The following ST8SIA6 variants were observed in gnomAD, a reference collection of about 807,000 sequenced individuals.
ST8SIA6 encodes alpha-2,8-sialyltransferase 8F.
Under a neutral mutation model 33.6 loss-of-function variants are expected in ST8SIA6, and 39 were observed. The ratio of observed to expected loss-of-function variants is 1.16; its 90% CI spans 0.90 to 1.52. The LOEUF is 1.52. Among genes scored for constraint, ST8SIA6 ranks in the 40% most tolerant of loss-of-function variants. ST8SIA6 has a pLI of 0.00. For synonymous variants in ST8SIA6, 172 were observed against 167.2 expected, an observed-to-expected ratio of 1.03 and a Z score of -0.22; for missense variants, 441 against 443.8, an observed-to-expected ratio of 0.99 and a Z score of 0.06.
intron 3 of ST8SIA6, among the ~76,000 whole-genome samples, chr10:17,380,187 C>G (rs1365702266): frequency 6.6e-6 from 1 of 152,174 alleles, no homozygotes; most frequent in African/African-American, 2.4e-5. Flanking sequence ...AGCTCACTTC[C>G]AACAGGGAAG....
intron 2 of ST8SIA6, among the ~76,000 whole-genome samples, chr10:17,415,512 C>G (rs1343456600): frequency 1.3e-5 from 2 of 152,136 alleles, no homozygotes; most frequent in Non-Finnish European, 2.9e-5. Context: ...CCCTAAAACT[C>G]ATTTACTCCT....
intron 2 of ST8SIA6, among the ~76,000 whole-genome samples, chr10:17,437,688 T>TCTCCCTTCC (rs1564464716): frequency 6.9e-6 from 1 of 145,712 alleles, no homozygotes; most frequent in African/African-American, 2.6e-5. Context: ...TCTTTCTCTT[T>TCTCCCTTCC]CTCCCTTCCC....
intron 3 of ST8SIA6, among the ~76,000 whole-genome samples, chr10:17,378,714 G>A (rs1010932079): frequency 6.6e-6 from 1 of 152,090 alleles, no homozygotes; most frequent in Non-Finnish European, 1.5e-5. Context: ...CAAAATCAGT[G>A]ACTTTATCAT....
intron 2 of ST8SIA6, among the ~76,000 whole-genome samples, chr10:17,414,666 GTCTTT>G (rs1851550866): frequency 1.3e-5 from 2 of 152,140 alleles, no homozygotes; most frequent in African/African-American, 4.8e-5. Context: ...TCCTCACATT[GTCTTT>G]TCTTGGTGCA....
intron 7 of ST8SIA6, among the ~76,000 whole-genome samples, 167 bp from the exon 8 acceptor site, chr10:17,321,513 A>C (rs9651531): frequency 0.4 from 60,608 of 152,052 alleles, 13,285 homozygotes; most frequent in African/African-American, 0.58. Flanking sequence ...AAGTAAGCAT[A>C]ATGTCAATAT....
At chr10:17,404,822 C>T (rs530966556) in intron 2 of ST8SIA6, among the ~76,000 whole-genome samples, 1 of 152,286 alleles carries the variant, frequency 6.6e-6, no homozygotes, top group South Asian at 2.1e-4. Context: ...CCACAATAGT[C>T]CTGAATAAAT....
At chr10:17,447,683 C>T (rs751012223) in intron 2 of ST8SIA6, among the ~76,000 whole-genome samples, 6 of 151,994 alleles carry the variant, frequency 3.9e-5, no homozygotes, top group Non-Finnish European at 8.8e-5. Context: ...TAAGCAATAA[C>T]TCAATTCAAA....
intron 2 of ST8SIA6, among the ~76,000 whole-genome samples, chr10:17,437,661 C>CTTT (rs1564464628): frequency 0.014 from 1,561 of 112,786 alleles, 39 homozygotes; most frequent in African/African-American, 0.054. Context: ...TTCCTTCCTT[C>CTTT]CTTCTGTCTC....
chr10:17,441,071 A>C (rs1212301912), intron 2 of ST8SIA6, among the ~76,000 whole-genome samples: 1 of 152,152 alleles, frequency 6.6e-6, no homozygotes, highest in Admixed American at 6.5e-5. Flanking sequence ...TTATATTCTT[A>C]ATGGTGTCTG....
At position 17,454,097 on chromosome 10, in the gene ST8SIA6, CCGGGGGCGCCAGGCGGGGCGCGCGGCG is replaced by C. The variant is rs1276263805; in HGVS notation, c.101+31_101+57del. 5 of 252,966 alleles carry C rather than the reference CCGGGGGCGCCAGGCGGGGCGCGCGGCG, an allele frequency of 2.0e-5. No homozygotes were observed. Among genetic ancestry groups the C allele is most frequent in the African/African-American group, 9.1e-5 (4 of 44,010 alleles). The allele number at this position is 252,966 out of a possible 1,614,324, so 15.7% of individuals were successfully genotyped here. A position where few individuals can be genotyped will look rare whatever the true frequency, so the allele number is the denominator to read the frequency against. On this transcript the variant is annotated intron_variant, in intron 1 of 7. Transcript: ENST00000377602. This position sits in a 1 kb window ranked among gnomAD's most constrained non-coding sequence, Gnocchi z 4.1. The stretch of plus-strand genomic sequence containing the variant: ...GGGAAGCGATGGGCGGCTTGGGGGT[CCGGGGGCGCCAGGCGGGGCGCGCGGCG>C]CGGGGCGCGGCCGGCGGGTGGGTGG...
intron 4 of ST8SIA6, among the ~76,000 whole-genome samples, chr10:17,333,718 T>TAGATATATATATATATATATATATA (rs1491246829): frequency 4.1e-5 from 1 of 24,280 alleles, no homozygotes; most frequent in African/African-American, 1.7e-4. Flanking sequence ...TATATATATA[T>TAGATATATATATATATATATATATA]TTTTTTTTTT....
intron 2 of ST8SIA6, among the ~76,000 whole-genome samples, chr10:17,438,856 G>T (rs1057292137): frequency 1.3e-5 from 2 of 152,192 alleles, no homozygotes; most frequent in African/African-American, 4.8e-5. Context: ...GAGGAAAAGG[G>T]ATTAAGACCA....
intron 5 of ST8SIA6, among the ~76,000 whole-genome samples, chr10:17,328,525 C>T (rs553620116): frequency 1.4e-4 from 21 of 152,272 alleles, no homozygotes; most frequent in African/African-American, 4.8e-4. Context: ...GCCAGGGTGC[C>T]GGCTCGTGCT....
At chr10:17,327,722 C>T (rs192451698) in intron 5 of ST8SIA6, among the ~76,000 whole-genome samples, 1 of 152,184 alleles carries the variant, frequency 6.6e-6, no homozygotes, top group Non-Finnish European at 1.5e-5. Flanking sequence ...GCCTGGGCAA[C>T]AAAGCAAGAC....
At chr10:17,427,431 G>A (rs981318959) in intron 2 of ST8SIA6, among the ~76,000 whole-genome samples, 2 of 152,190 alleles carry the variant, frequency 1.3e-5, no homozygotes, top group Non-Finnish European at 2.9e-5. Flanking sequence ...GATGTAGAGC[G>A]ATGGAGACCT....
intron 3 of ST8SIA6, among the ~76,000 whole-genome samples, chr10:17,385,066 A>G (rs184620917): frequency 6.6e-6 from 1 of 152,306 alleles, no homozygotes; most frequent in East Asian, 1.9e-4. Context: ...TTAAAAAAGA[A>G]AAAGGGTGAA....
At chr10:17,331,330 T>C in intron 5 of ST8SIA6, 78 bp downstream of exon 5, 2 of 1,482,124 alleles carry the variant, frequency 1.3e-6, no homozygotes, top group East Asian at 2.3e-5. Context: ...TCCATCATAA[T>C]TGTAAGTTAC....
intron 3 of ST8SIA6, among the ~76,000 whole-genome samples, chr10:17,374,289 A>G (rs1315406615): frequency 6.6e-6 from 1 of 152,152 alleles, no homozygotes; most frequent in Admixed American, 6.5e-5. Flanking sequence ...TATGCTTTCA[A>G]ACTCTTAGAC....
At chr10:17,385,049 A>G (rs1850283746) in intron 3 of ST8SIA6, among the ~76,000 whole-genome samples, 1 of 152,132 alleles carries the variant, frequency 6.6e-6, no homozygotes, top group South Asian at 2.1e-4. Flanking sequence ...CATTTCTCCA[A>G]AAGATTTTAA....
Sources: allele counts gnomAD v4.1 joint callset (sites outside exome capture counted in the v4.1 genomes callset), GRCh38; gene constraint gnomAD v4.1.1; non-coding constraint Gnocchi (gnomAD v3.1); transcripts MANE v1.5; gene names NCBI Gene and HGNC (gene_info 2026-07-23, HGNC 2026-07-21).